ZNF487: variants seen among roughly 807,000 people sequenced by gnomAD.
ZNF487 encodes KRAB domain only 1.
A neutral mutation model predicts 3.0 loss-of-function variants in ZNF487; 4 were observed. That is an observed-to-expected ratio of 1.35 (90% CI 0.66 to 3.08). The LOEUF (loss-of-function observed/expected upper bound fraction) is 3.08, where lower values mean the gene tolerates loss of function less well. Among genes scored for constraint, ZNF487 ranks in the 30% most tolerant of loss-of-function variants. The pLI is 0.01. For missense variants in ZNF487, 146 were observed against 98.7 expected (o/e 1.48, Z -2.03); for synonymous variants, 55 against 34.6 (o/e 1.59, Z -2.06).
At chr10:43,510,503 T>C in the ZNF487 span, among the ~76,000 whole-genome samples, 1 of 152,204 alleles carries the variant, frequency 6.6e-6, no homozygotes, top group Non-Finnish European at 1.5e-5. Context: ...GATTCCATCT[T>C]GATAATCCGG....
At chr10:43,450,357 CTTTG>C (rs963271643) in intron 1 of ZNF487, among the ~76,000 whole-genome samples, 2 of 147,962 alleles carry the variant, frequency 1.4e-5, no homozygotes, top group Non-Finnish European at 3.0e-5. Flanking sequence ...CTCTTTTTTG[CTTTG>C]TTTTTTTTTG....
chr10:43,513,897 G>C, the ZNF487 span, among the ~76,000 whole-genome samples: 6 of 152,176 alleles, frequency 3.9e-5, no homozygotes, highest in African/African-American at 1.4e-4. Flanking sequence ...CCAGTGTCCA[G>C]CAGTCCCCGA....
chr10:43,498,107 T>A, the ZNF487 span, among the ~76,000 whole-genome samples: 772 of 9,708 alleles, frequency 0.08, 53 homozygotes, highest in East Asian at 0.18. Flanking sequence ...ATATTTTTTT[T>A]TTTTTTCTTT....
At chr10:43,513,415 C>G in the ZNF487 span, among the ~76,000 whole-genome samples, 1 of 152,186 alleles carries the variant, frequency 6.6e-6, no homozygotes, top group Non-Finnish European at 1.5e-5. Context: ...GGAGTCACCA[C>G]TTTGTTAAGC....
chr10:43,461,303 G>A (rs1444865129), intron 1 of ZNF487, among the ~76,000 whole-genome samples: 2 of 106,090 alleles, frequency 1.9e-5, no homozygotes, highest in Admixed American at 1.1e-4. Context: ...CAACATGCCC[G>A]GCCCAGTCTT....
chr10:43,478,910 CT>C (rs925612956), intron 3 of ZNF487, among the ~76,000 whole-genome samples: 104 of 138,918 alleles, frequency 7.5e-4, no homozygotes, highest in Admixed American at 8.7e-4. Context: ...TTTCTTTTTT[CT>C]TTTTTTTTTT....
At chr10:43,496,297 C>A in the ZNF487 span, among the ~76,000 whole-genome samples, 3 of 152,046 alleles carry the variant, frequency 2.0e-5, no homozygotes, top group African/African-American at 7.2e-5. Context: ...CTTTTTTGGT[C>A]ACTGGAAACT....
At position 43,482,510 on chromosome 10, in the gene ZNF487, TG is replaced by T; in HGVS notation, c.*590del. The T allele has an allele frequency of 2.1e-6, 1 of 480,934 alleles. No homozygotes were observed. 29.8% of individuals were successfully genotyped at this position (480,934 alleles called of 1,614,324 possible). ...ACAAAACCTATGAATGTAATGAATG[TG>T]GAAAAAACTTCTGTGAGAAGTCAAA... On this transcript the variant is annotated 3_prime_UTR_variant, in exon 4 of 4. Coordinates refer to ENST00000437590, the MANE Select transcript of ZNF487 (RefSeq NM_001355444.3).
the ZNF487 span, among the ~76,000 whole-genome samples, chr10:43,489,015 C>G: frequency 6.6e-6 from 1 of 151,880 alleles, no homozygotes; most frequent in African/African-American, 2.4e-5. Context: ...CCTGGCTACT[C>G]GGAAGAATCA....
At chr10:43,456,329 T>TC (rs1840200270) in intron 1 of ZNF487, among the ~76,000 whole-genome samples, 1 of 152,170 alleles carries the variant, frequency 6.6e-6, no homozygotes, top group Non-Finnish European at 1.5e-5. Flanking sequence ...TGGGGACTTC[T>TC]CACCAGAGTT....
chr10:43,520,939 C>T, the ZNF487 span, among the ~76,000 whole-genome samples: 69 of 152,244 alleles, frequency 4.5e-4, no homozygotes, highest in Non-Finnish European at 7.9e-4. Flanking sequence ...CTGTGAGTGT[C>T]GACTTTATCT....
the ZNF487 span, among the ~76,000 whole-genome samples, chr10:43,508,738 C>T: frequency 6.6e-6 from 1 of 151,998 alleles, no homozygotes; most frequent in Admixed American, 6.6e-5. Context: ...CCCAGCTACT[C>T]GGGAGGCTGA....
At chr10:43,455,437 C>T (rs1225478570) in intron 1 of ZNF487, among the ~76,000 whole-genome samples, 2 of 152,250 alleles carry the variant, frequency 1.3e-5, no homozygotes, top group African/African-American at 2.4e-5. Context: ...CTTTGCTTTC[C>T]GGGAGAATCC....
intron 1 of ZNF487, among the ~76,000 whole-genome samples, 182 bp downstream of exon 1, chr10:43,437,444 T>C (rs1839429343): frequency 6.6e-6 from 1 of 151,862 alleles, no homozygotes; most frequent in Non-Finnish European, 1.5e-5. Context: ...CAGCCCACCC[T>C]AGAGAAGCGA....
intron 1 of ZNF487, among the ~76,000 whole-genome samples, chr10:43,438,783 T>A (rs1297134537): frequency 6.6e-6 from 1 of 152,106 alleles, no homozygotes; most frequent in Non-Finnish European, 1.5e-5. Context: ...TCATTCAGCC[T>A]TAGGAAGAAA....
At chr10:43,505,146 A>G in the ZNF487 span, among the ~76,000 whole-genome samples, 1 of 152,112 alleles carries the variant, frequency 6.6e-6, no homozygotes, top group African/African-American at 2.4e-5. Context: ...CAGCCTCCCT[A>G]ATAGCTGGGA....
At chr10:43,456,014 C>G (rs1379158227) in intron 1 of ZNF487, among the ~76,000 whole-genome samples, 1 of 152,236 alleles carries the variant, frequency 6.6e-6, no homozygotes, top group African/African-American at 2.4e-5. Context: ...TACTGAGCCC[C>G]AGACATCGTT....
chr10:43,463,780 A>G (rs1412505864), intron 1 of ZNF487, among the ~76,000 whole-genome samples: 3 of 141,116 alleles, frequency 2.1e-5, no homozygotes, highest in Admixed American at 1.4e-4. Context: ...TTCTTGCCCT[A>G]TTTCAGACTT....
the ZNF487 span, among the ~76,000 whole-genome samples, chr10:43,504,336 C>CGA: frequency 1.2e-4 from 18 of 144,040 alleles, no homozygotes; most frequent in African/African-American, 4.5e-4. Context: ...CACTGTTGCC[C>CGA]GAGCTGGAGT....
Sources: allele counts gnomAD v4.1 joint callset (sites outside exome capture counted in the v4.1 genomes callset), GRCh38; gene constraint gnomAD v4.1.1; transcripts MANE v1.5; gene names NCBI Gene and HGNC (gene_info 2026-07-23, HGNC 2026-07-21).